The following ANKRD55 variants were observed in gnomAD, a reference collection of about 807,000 sequenced individuals.
ANKRD55 encodes ankyrin repeat domain 55.
A neutral mutation model predicts 60.6 loss-of-function variants in ANKRD55; 41 were observed. That is an observed-to-expected ratio of 0.68 (90% CI 0.53 to 0.88). The LOEUF is 0.88. Ranked by LOEUF, ANKRD55 falls within the 40% of genes least tolerant of loss-of-function variation. The pLI, the probability that ANKRD55 is intolerant of heterozygous loss-of-function variation, is 0.00. For synonymous variants in ANKRD55, 264 were observed against 290.3 expected (o/e 0.91, Z 0.92); for missense variants, 732 against 767.6 (o/e 0.95, Z 0.55).
At chr5:56,106,890 T>C (rs776108362) in intron 10 of ANKRD55, among the ~76,000 whole-genome samples, 7 of 151,946 alleles carry the variant, frequency 4.6e-5, no homozygotes, top group Non-Finnish European at 1.0e-4. Flanking sequence ...GATGTGTCTG[T>C]AGTTCCAGTT....
chr5:56,220,841 A>C (rs1280748688), intron 2 of ANKRD55, among the ~76,000 whole-genome samples: 2 of 152,108 alleles, frequency 1.3e-5, no homozygotes, highest in Non-Finnish European at 1.5e-5. Context: ...AAACAAAAAA[A>C]CACTGAAACA....
At chr5:56,173,564 CTCTCTCTCTCTCTCTCTCTATATA>C (rs1183698320) in intron 4 of ANKRD55, among the ~76,000 whole-genome samples, 8 of 115,206 alleles carry the variant, frequency 6.9e-5, no homozygotes, top group African/African-American at 3.0e-4. Context: ...CTCTCTCTCT[CTCTCTCTCTCTCTCTCTCTATATA>C]TATATATATA....
intron 8 of ANKRD55, 66 bp from the exon 9 acceptor site, chr5:56,116,848 G>GCAA (rs1756902462): frequency 7.0e-7 from 1 of 1,428,228 alleles, no homozygotes; most frequent in South Asian, 1.5e-5. Context: ...TGCTTAGCCA[G>GCAA]CAACAGCTCC....
intron 2 of ANKRD55, chr5:56,192,613 A>C: frequency 1.5e-6 from 1 of 687,300 alleles, no homozygotes; most frequent in Non-Finnish European, 2.5e-6. Context: ...GGTTTATTTT[A>C]TTTTCTCAGC....
intron 5 of ANKRD55, among the ~76,000 whole-genome samples, chr5:56,166,086 TTTTCTTTCTTTC>T (rs754266953): frequency 2.6e-4 from 24 of 91,842 alleles, no homozygotes; most frequent in South Asian, 1.1e-3. Flanking sequence ...TTTCTTTTCT[TTTTCTTTCTTTC>T]TTTCTTTCTT....
At position 56,111,713 on chromosome 5, in the gene ANKRD55, C is replaced by A. The variant is rs1257971240; in HGVS notation, c.1035G>T (p.Val345=). Residue 345 remains valine, a synonymous_variant, in exon 10 of 12, where the codon GTG becomes GTT. Transcript: ENST00000341048. The part of the protein sequence containing the change: ...RPQKKERRFN[V]LNQIFCKNKK... Reference sequence around the variant, plus strand: ...TGTTTTTGCAGAATATTTGGTTGAGCACGTTGAACCGTCTCTCCTTCTTCT... The same window carrying A: ...TGTTTTTGCAGAATATTTGGTTGAGAACGTTGAACCGTCTCTCCTTCTTCT... 6.6e-7 allele frequency: 1 copy of A among 1,520,664 alleles called. No homozygotes were observed. The highest frequency in any genetic ancestry group is 2.3e-5 in the Admixed American group (1 of 43,372). The allele number at this position is 1,520,664 out of a possible 1,614,324, so 94.2% of individuals were successfully genotyped here.
rs1343977513 is a variant in ANKRD55 at position 56,166,203 on chromosome 5, C to CCTTCCTTCCTTCCT, written c.422+4490_422+4491insAGGAAGGAAGGAAG. On this transcript the variant is annotated intron_variant, in intron 5 of 11. Transcript: ENST00000341048. ...CTTCCTTCCTTCCTTCCTTCCTTCT[C>CCTTCCTTCCTTCCT]TCTCTCTCTCTCTCTTTCTTTCTTT... Among the ~76,000 whole-genome samples the CCTTCCTTCCTTCCT allele has an allele frequency of 9.5e-5, 8 of 84,634 alleles. 1 individual carries two copies. Among genetic ancestry groups the CCTTCCTTCCTTCCT allele is most frequent in the African/African-American group, 4.2e-4 (7 of 16,568 alleles). The allele number at this position is 84,634 out of a possible 152,430, so 55.5% of individuals were successfully genotyped here.
At chr5:56,136,021 G>GA (rs202048682) in intron 7 of ANKRD55, among the ~76,000 whole-genome samples, 7,058 of 152,006 alleles carry the variant, frequency 0.046, 264 homozygotes, top group Non-Finnish European at 0.072. Flanking sequence ...AGAGCTATAT[G>GA]AAAAAATCTA....
At chr5:56,210,450 T>C (rs1759638366) in intron 2 of ANKRD55, among the ~76,000 whole-genome samples, 2 of 149,196 alleles carry the variant, frequency 1.3e-5, no homozygotes, top group South Asian at 4.2e-4. Flanking sequence ...TAGTCCCAGC[T>C]ACTCAGGAGG....
At chr5:56,137,319 G>A in intron 7 of ANKRD55, 1 of 1,552,236 alleles carries the variant, frequency 6.4e-7, no homozygotes, top group Non-Finnish European at 8.8e-7. Context: ...TCTGGTCATT[G>A]AGCATATCCA....
At chr5:56,116,534 C>T in intron 9 of ANKRD55, 81 bp downstream of exon 9, 1 of 1,237,184 alleles carries the variant, frequency 8.1e-7, no homozygotes, top group Non-Finnish European at 1.1e-6. Context: ...TTGGTTTGCA[C>T]CTTGGCAATT....
At chr5:56,203,526 TCC>T (rs1759427969) in intron 2 of ANKRD55, among the ~76,000 whole-genome samples, 1 of 152,002 alleles carries the variant, frequency 6.6e-6, no homozygotes, top group Admixed American at 6.6e-5. Context: ...ATGTTCCCCT[TCC>T]CCTGTGTCCA....
chr5:56,157,821 C>T (rs1475441066), intron 6 of ANKRD55, among the ~76,000 whole-genome samples: 1 of 152,160 alleles, frequency 6.6e-6, no homozygotes, highest in South Asian at 2.1e-4. Flanking sequence ...CCGGAGCCGG[C>T]GCGCGTCCTC....
intron 8 of ANKRD55, among the ~76,000 whole-genome samples, chr5:56,120,574 C>T (rs1757013238): frequency 6.6e-6 from 1 of 152,150 alleles, no homozygotes; most frequent in South Asian, 2.1e-4. Context: ...AATGGCTCCC[C>T]CAGCACTGGA....
chr5:56,147,522 A>G (rs1191680816), intron 6 of ANKRD55, among the ~76,000 whole-genome samples: 5 of 152,334 alleles, frequency 3.3e-5, no homozygotes, highest in East Asian at 3.9e-4. Flanking sequence ...TTTATAAGAT[A>G]TATACACATA....
intron 2 of ANKRD55, chr5:56,193,241 G>A: frequency 9.6e-7 from 1 of 1,038,882 alleles, no homozygotes; most frequent in South Asian, 1.6e-5. Flanking sequence ...AAACAGACAA[G>A]TGTCACATAG....
In ANKRD55 at chr5:56,135,344, TTTCTTTCTTTCTTTCTTTCTTTCC is replaced by T; in HGVS notation, c.613-8262_613-8239del. 1.4e-4 allele frequency among the ~76,000 whole-genome samples: 3 copies of T among 20,810 alleles called. No individual in the cohort carries two copies. The South Asian group carries it at 4.2e-3, about 29-fold the overall frequency. The allele number at this position is 20,810 out of a possible 152,430, so 13.7% of individuals were successfully genotyped here. The stretch of plus-strand genomic sequence containing the variant: ...CTTTCTTTCTTTCTTTCTTTCTTTC[TTTCTTTCTTTCTTTCTTTCTTTCC>T]TTCTTTCTTTCTTTCTTTCTTGACA... On this transcript the variant is annotated intron_variant, in intron 7 of 11. Coordinates refer to ENST00000341048, the MANE Select transcript of ANKRD55 (RefSeq NM_024669.3).
intron 6 of ANKRD55, among the ~76,000 whole-genome samples, chr5:56,145,992 A>G (rs1367510941): frequency 6.6e-6 from 1 of 152,236 alleles, no homozygotes; most frequent in Non-Finnish European, 1.5e-5. Flanking sequence ...GGGGTTAGAA[A>G]TCTAACACAA....
At chr5:56,182,756 C>A (rs1276994662) in intron 3 of ANKRD55, among the ~76,000 whole-genome samples, 1 of 152,132 alleles carries the variant, frequency 6.6e-6, no homozygotes, top group Non-Finnish European at 1.5e-5. Context: ...AGGGGTGCCA[C>A]CTCATTATTG....
Sources: gnomAD v4.1 joint callset for allele counts (sites outside exome capture counted in the v4.1 genomes callset) on GRCh38, gnomAD v4.1.1 for gene constraint, MANE v1.5 for transcripts, NCBI Gene and HGNC (gene_info 2026-07-23, HGNC 2026-07-21) for gene names.